NHSL2: variants seen among roughly 807,000 people sequenced by gnomAD.
The protein encoded by NHSL2 is NHS like 2, also known as NHS-like protein 2.
In NHSL2, 27 loss-of-function variants were observed where a neutral mutation model predicts 53.4. The ratio of observed to expected loss-of-function variants is 0.51; its 90% CI spans 0.37 to 0.70. The LOEUF (loss-of-function observed/expected upper bound fraction) is 0.70, where lower values mean the gene tolerates loss of function less well. NHSL2 is among the 30% of genes least tolerant of loss of function. NHSL2 has a pLI of 0.00. For synonymous variants in NHSL2, 408 were observed against 404.1 expected (o/e 1.01, Z -0.12); for missense variants, 892 against 980.1 (o/e 0.91, Z 1.20).
At chrX:71,960,539 G>A (rs2041862991) in intron 1 of NHSL2, among the ~76,000 whole-genome samples, 1 of 111,821 alleles carries the variant, frequency 8.9e-6, no homozygotes, top group African/African-American at 3.2e-5. Context: ...TTACGTTTTG[G>A]TCTTTGATCC....
chrX:72,114,197 G>A (rs1290949320), intron 1 of NHSL2, among the ~76,000 whole-genome samples: 4 of 112,154 alleles, frequency 3.6e-5, no homozygotes, highest in African/African-American at 9.7e-5. Context: ...TTGTTTGTAC[G>A]TTCTGATTTT....
chrX:71,947,921 AAG>A (rs1569465448), intron 1 of NHSL2, among the ~76,000 whole-genome samples: 1 of 111,488 alleles, frequency 9.0e-6, no homozygotes, highest in Non-Finnish European at 1.9e-5. Context: ...TGAGGGATAA[AAG>A]ACTACATACT....
At chrX:72,086,349 G>C (rs1024013696) in intron 1 of NHSL2, among the ~76,000 whole-genome samples, 2 of 111,897 alleles carry the variant, frequency 1.8e-5, no homozygotes, top group Non-Finnish European at 3.8e-5. Context: ...TAAGTAATGG[G>C]GGTCACAGGG....
chrX:72,110,312 G>T (rs2042080823), intron 1 of NHSL2, among the ~76,000 whole-genome samples: 2 of 111,128 alleles, frequency 1.8e-5, no homozygotes, highest in African/African-American at 3.3e-5. Flanking sequence ...AGAAGCACTG[G>T]CCTAGAAGAC....
chrX:72,084,174 C>G (rs1347369897), intron 1 of NHSL2, among the ~76,000 whole-genome samples: 1 of 112,190 alleles, frequency 8.9e-6, no homozygotes, highest in African/African-American at 3.2e-5. Context: ...CCCTTGGTTG[C>G]CAATGCATTT....
intron 1 of NHSL2, among the ~76,000 whole-genome samples, chrX:72,087,546 G>A (rs1188089736): frequency 8.9e-6 from 1 of 112,788 alleles, no homozygotes; most frequent in African/African-American, 3.2e-5. Context: ...TTAAAAAGGT[G>A]TGAGAGACTT....
chrX:71,986,175 C>T (rs1253694467), intron 1 of NHSL2, among the ~76,000 whole-genome samples: 2 of 111,528 alleles, frequency 1.8e-5, no homozygotes, highest in Non-Finnish European at 3.8e-5. Flanking sequence ...GACTTTTATA[C>T]CAAATAAGCC....
At chrX:72,001,810 G>A (rs1383332018) in intron 1 of NHSL2, among the ~76,000 whole-genome samples, 1 of 112,216 alleles carries the variant, frequency 8.9e-6, no homozygotes, top group Non-Finnish European at 1.9e-5. Flanking sequence ...CTTAAGGTAG[G>A]CTCACCTTGA....
At chrX:72,009,537 A>G (rs1281430281) in intron 1 of NHSL2, among the ~76,000 whole-genome samples, 4 of 112,143 alleles carry the variant, frequency 3.6e-5, no homozygotes, top group African/African-American at 1.3e-4. Flanking sequence ...TCACATCTCC[A>G]CTGGAATGTT....
intron 1 of NHSL2, among the ~76,000 whole-genome samples, chrX:72,115,096 C>T (rs1054562456): frequency 7.2e-5 from 8 of 111,425 alleles, no homozygotes; most frequent in Non-Finnish European, 1.1e-4. Context: ...ACAGCGAGGT[C>T]GTGATGAGGC....
At chrX:72,086,025 G>C (rs999036106) in intron 1 of NHSL2, among the ~76,000 whole-genome samples, 1 of 111,779 alleles carries the variant, frequency 8.9e-6, no homozygotes, top group Admixed American at 9.5e-5. Context: ...GGGCCTCCTT[G>C]TGGTCTGCCT....
chrX:72,076,153 G>T (rs992072163), intron 1 of NHSL2, among the ~76,000 whole-genome samples: 1 of 110,591 alleles, frequency 9.0e-6, no homozygotes, highest in Non-Finnish European at 1.9e-5. Context: ...GGCTGGTCTC[G>T]AACTCCCGAC....
chrX:71,946,153 G>C (rs2041791650), intron 1 of NHSL2, among the ~76,000 whole-genome samples: 1 of 111,648 alleles, frequency 9.0e-6, no homozygotes, highest in Admixed American at 9.5e-5. Context: ...AGAGCCTAGT[G>C]CCATGGGAGG....
rs924896769 is a variant in NHSL2 at position 71,958,114 on chromosome X, C to G, written c.280+46747C>G. Among the ~76,000 whole-genome samples, 11 of 110,685 alleles carry G rather than the reference C, an allele frequency of 9.9e-5. No individual in the cohort carries two copies. The East Asian group carries it at 3.1e-3, about 32-fold the overall frequency. ...GGTGGGGGTGGGGAGTCAAGGCAGGCTGCATTCCAGGCCCCAGCAGCAGAC... is the reference window on the plus strand; with the variant it reads ...GGTGGGGGTGGGGAGTCAAGGCAGGGTGCATTCCAGGCCCCAGCAGCAGAC... On this transcript the variant is annotated intron_variant, in intron 1 of 7. Coordinates refer to ENST00000633930, the MANE Select transcript of NHSL2 (RefSeq NM_001013627.3).
At chrX:72,054,155 G>A (rs1051268273) in intron 1 of NHSL2, among the ~76,000 whole-genome samples, 2 of 111,643 alleles carry the variant, frequency 1.8e-5, no homozygotes, top group East Asian at 2.8e-4. Context: ...ATGCTGCAAC[G>A]CTTTCTCTGC....
intron 1 of NHSL2, among the ~76,000 whole-genome samples, chrX:71,943,678 T>C (rs913735958): frequency 8.9e-6 from 1 of 112,865 alleles, no homozygotes; most frequent in Non-Finnish European, 1.9e-5. Flanking sequence ...TGCTGAGGTA[T>C]AGGAGTGTAC....
At chrX:72,064,025 G>C (rs1479608852) in intron 1 of NHSL2, among the ~76,000 whole-genome samples, 1 of 111,127 alleles carries the variant, frequency 9.0e-6, no homozygotes, top group Non-Finnish European at 1.9e-5. Flanking sequence ...CTTTTCACAA[G>C]CAGAGATGGA....
At chrX:72,112,170 C>A (rs1003907087) in intron 1 of NHSL2, among the ~76,000 whole-genome samples, 1 of 109,017 alleles carries the variant, frequency 9.2e-6, no homozygotes, top group Non-Finnish European at 1.9e-5. Flanking sequence ...CAAAAAGGCC[C>A]CTGTGATAAG....
chrX:72,027,987 GCTGCTGCCGCTGCTGCTGCTGCTGCCA>G (rs2042194552), intron 1 of NHSL2, among the ~76,000 whole-genome samples: 1 of 111,763 alleles, frequency 8.9e-6, no homozygotes, highest in South Asian at 3.8e-4. Flanking sequence ...TGCTGCTGCT[GCTGCTGCCGCTGCTGCTGCTGCTGCCA>G]CTGCTGCTGC....
Sources: allele counts gnomAD v4.1 joint callset (sites outside exome capture counted in the v4.1 genomes callset), GRCh38; gene constraint gnomAD v4.1.1; transcripts MANE v1.5; gene names NCBI Gene and HGNC (gene_info 2026-07-23, HGNC 2026-07-21).